The following SLIT3 variants were observed in gnomAD, a reference collection of about 807,000 sequenced individuals.
SLIT3 encodes the protein slit guidance ligand 3, also known as slit homolog 3 protein.
A neutral mutation model predicts 184.0 loss-of-function variants in SLIT3; 68 were observed. That is an observed-to-expected ratio of 0.37 (90% confidence interval 0.30 to 0.45). The LOEUF (loss-of-function observed/expected upper bound fraction) is 0.45. Among genes scored for constraint, SLIT3 ranks in the 20% least tolerant of loss-of-function variants. The pLI is 1.00. For missense variants in SLIT3, 1,707 were observed against 2,026.0 expected (o/e 0.84, Z 3.02); for synonymous variants, 831 against 828.6 (o/e 1.00, Z -0.05).
At chr5:169,070,431 TCA>T (rs1477485666) in intron 4 of SLIT3, among the ~76,000 whole-genome samples, 1 of 152,192 alleles carries the variant, frequency 6.6e-6, no homozygotes, top group Non-Finnish European at 1.5e-5. Flanking sequence ...CTGTCTCTTG[TCA>T]CTGACTGTAT....
intron 1 of SLIT3, among the ~76,000 whole-genome samples, chr5:169,278,741 C>T (rs1378730405): frequency 6.6e-6 from 1 of 152,084 alleles, no homozygotes; most frequent in African/African-American, 2.4e-5. Flanking sequence ...GGAACCCCTC[C>T]GCCATGTTTC....
chr5:169,165,759 G>A (rs1762618832), intron 4 of SLIT3, among the ~76,000 whole-genome samples: 1 of 152,058 alleles, frequency 6.6e-6, no homozygotes, highest in African/African-American at 2.4e-5. Flanking sequence ...TTTCTCCTTA[G>A]CATGTATCAC....
At chr5:168,983,020 A>T (rs929011292) in intron 4 of SLIT3, among the ~76,000 whole-genome samples, 2 of 152,162 alleles carry the variant, frequency 1.3e-5, no homozygotes, top group Non-Finnish European at 2.9e-5. Flanking sequence ...AAGAATAATC[A>T]TGTATTTTCC....
intron 4 of SLIT3, among the ~76,000 whole-genome samples, chr5:168,999,541 C>G (rs556416333): frequency 6.6e-6 from 1 of 152,248 alleles, no homozygotes; most frequent in South Asian, 2.1e-4. Context: ...AGATGGAGAC[C>G]AGAACATGGG....
intron 3 of SLIT3, among the ~76,000 whole-genome samples, chr5:169,224,336 T>C (rs992404617): frequency 3.3e-5 from 5 of 152,108 alleles, no homozygotes. Flanking sequence ...TCCACCTGGT[T>C]CCAAATGGTT....
At chr5:168,762,990 A>G (rs1205017719) in intron 14 of SLIT3, among the ~76,000 whole-genome samples, 2 of 152,126 alleles carry the variant, frequency 1.3e-5, no homozygotes, top group Non-Finnish European at 2.9e-5. Context: ...GAAGCTGATG[A>G]AAGTTATGAA....
intron 4 of SLIT3, among the ~76,000 whole-genome samples, chr5:169,051,675 A>G (rs1757820210): frequency 6.6e-6 from 1 of 152,244 alleles, no homozygotes; most frequent in South Asian, 2.1e-4. Flanking sequence ...ATGGGCAAAG[A>G]GTTATGCTCA....
chr5:169,132,461 G>A (rs1483107794), intron 4 of SLIT3, among the ~76,000 whole-genome samples: 2 of 152,038 alleles, frequency 1.3e-5, no homozygotes, highest in Non-Finnish European at 2.9e-5. Flanking sequence ...TTTTAAACAT[G>A]GTCCACGTGC....
intron 26 of SLIT3, among the ~76,000 whole-genome samples, chr5:168,703,278 G>A (rs922217719): frequency 1.6e-5 from 2 of 128,218 alleles, no homozygotes; most frequent in African/African-American, 2.9e-5. Context: ...GTGTGTGTGT[G>A]TAGGACATGG....
In SLIT3 at chr5:169,213,185, C is replaced by T. The variant is rs186957402; in HGVS notation, c.342-19635G>A. On this transcript the variant is annotated intron_variant, in intron 3 of 35. Coordinates refer to ENST00000519560, the MANE Select transcript of SLIT3 (RefSeq NM_003062.4). ...CACCAATAACAGACAAAGAGAGAGC[C>T]AAATCATGAGTGAACTCCCACTCAC... is the stretch of plus-strand genomic sequence containing the variant. Among the ~76,000 whole-genome samples the T allele has an allele frequency of 1.9e-3, 296 of 151,918 alleles. No homozygotes were observed. The Middle Eastern group carries it at 0.021, about 11-fold the overall frequency.
chr5:169,004,465 C>T (rs934355375), intron 4 of SLIT3, among the ~76,000 whole-genome samples: 1 of 152,186 alleles, frequency 6.6e-6, no homozygotes, highest in Non-Finnish European at 1.5e-5. Context: ...GCTGCTTTTA[C>T]TGAGCCCTCT....
intron 4 of SLIT3, among the ~76,000 whole-genome samples, chr5:169,074,827 C>A: frequency 1.3e-5 from 2 of 152,126 alleles, no homozygotes; most frequent in East Asian, 3.9e-4. Flanking sequence ...GAAGCAAGAC[C>A]TGAGGGTGGG....
intron 4 of SLIT3, among the ~76,000 whole-genome samples, chr5:168,988,778 C>T (rs1156427763): frequency 7.1e-6 from 1 of 140,502 alleles, no homozygotes; most frequent in Non-Finnish European, 1.7e-5. Context: ...AGGAGACCCC[C>T]CCCCAGGGGC....
intron 6 of SLIT3, among the ~76,000 whole-genome samples, chr5:168,832,351 G>A: frequency 6.6e-6 from 1 of 152,200 alleles, no homozygotes; most frequent in East Asian, 1.9e-4. Flanking sequence ...GGAAGAAGAG[G>A]GACATTTTGA....
chr5:169,013,110 A>C (rs1173107895), intron 4 of SLIT3: 2 of 152,250 alleles, frequency 1.3e-5, no homozygotes, highest in African/African-American at 4.8e-5. Context: ...CATTGAGCAG[A>C]GGTTCTGCCA....
intron 4 of SLIT3, among the ~76,000 whole-genome samples, chr5:169,192,185 C>T (rs1763576279): frequency 1.3e-5 from 2 of 152,192 alleles, no homozygotes; most frequent in African/African-American, 4.8e-5. Flanking sequence ...CATGCCCATC[C>T]AGGCAGACCC....
intron 4 of SLIT3, among the ~76,000 whole-genome samples, chr5:169,121,495 G>A (rs557786902): frequency 6.6e-5 from 10 of 152,090 alleles, no homozygotes; most frequent in East Asian, 1.9e-4. Flanking sequence ...AGGCTGCTGC[G>A]TCCTGTCAAA....
chr5:169,086,079 C>T (rs1417657157), intron 4 of SLIT3, among the ~76,000 whole-genome samples: 1 of 152,236 alleles, frequency 6.6e-6, no homozygotes, highest in Non-Finnish European at 1.5e-5. Context: ...AACGGCCTTT[C>T]CTCACAGCCC....
chr5:168,758,349 C>T (rs962979808), intron 16 of SLIT3, among the ~76,000 whole-genome samples: 3 of 152,210 alleles, frequency 2.0e-5, no homozygotes, highest in Admixed American at 2.0e-4. Flanking sequence ...TATTTCTTCG[C>T]AGAAGCAAAG....
Sources: gnomAD v4.1 joint callset for allele counts (sites outside exome capture counted in the v4.1 genomes callset) on GRCh38, gnomAD v4.1.1 for gene constraint, MANE v1.5 for transcripts, NCBI Gene and HGNC (gene_info 2026-07-23, HGNC 2026-07-21) for gene names.